The following ANK3 variants were observed in gnomAD, a reference collection of about 807,000 sequenced individuals.
ANK3 encodes the protein ankyrin-3.
ANK3 carries 57 observed loss-of-function variants against 370.9 expected under a neutral mutation model. The observed-to-expected ratio is 0.15, with a 90% CI of 0.12 to 0.19. ANK3 has a LOEUF of 0.19. Ranked by LOEUF, ANK3 falls within the 10% of genes least tolerant of loss-of-function variation. ANK3 has a pLI of 1.00. For missense variants in ANK3, 4,439 were observed against 5,302.1 expected (o/e 0.84, Z 5.06); for synonymous variants, 1,929 against 1,946.3 (o/e 0.99, Z 0.23).
At chr10:60,587,314 C>T (rs1344823373) in intron 2 of ANK3, among the ~76,000 whole-genome samples, 1 of 152,122 alleles carries the variant, frequency 6.6e-6, no homozygotes, top group Non-Finnish European at 1.5e-5. Flanking sequence ...CAAAGTCTAA[C>T]CATATCATTA....
chr10:60,050,399 G>T (rs951380141), intron 42 of ANK3, among the ~76,000 whole-genome samples: 6 of 152,138 alleles, frequency 3.9e-5, no homozygotes, highest in African/African-American at 1.4e-4. Flanking sequence ...AGATTTGGTG[G>T]AGTTTCTTCA....
chr10:60,435,951 G>A (rs749568574), intron 2 of ANK3, among the ~76,000 whole-genome samples: 61 of 152,234 alleles, frequency 4.0e-4, no homozygotes, highest in Non-Finnish European at 1.6e-4. Flanking sequence ...GCCGGGCGCA[G>A]TGGCAGGCGC....
chr10:60,664,318 T>C (rs1357884323), intron 1 of ANK3, among the ~76,000 whole-genome samples: 1 of 152,254 alleles, frequency 6.6e-6, no homozygotes, highest in Non-Finnish European at 1.5e-5. Flanking sequence ...ATAATAGTTA[T>C]CACATTCTGT....
intron 23 of ANK3, among the ~76,000 whole-genome samples, chr10:60,154,441 T>G (rs1035801161): frequency 6.6e-6 from 1 of 152,170 alleles, no homozygotes; most frequent in Non-Finnish European, 1.5e-5. Context: ...AGATCTACCT[T>G]CACATTTCCC....
chr10:60,482,250 C>T (rs574596186), intron 2 of ANK3, among the ~76,000 whole-genome samples: 2 of 152,300 alleles, frequency 1.3e-5, no homozygotes, highest in East Asian at 3.9e-4. Context: ...AGCATCTGCA[C>T]TATCACCTAT....
intron 2 of ANK3, among the ~76,000 whole-genome samples, chr10:60,462,862 T>C (rs974677834): frequency 1.3e-5 from 2 of 151,998 alleles, no homozygotes; most frequent in Admixed American, 6.6e-5. Flanking sequence ...ATATCTCTGT[T>C]CTTTGCTATC....
chr10:60,192,624 G>C (rs2096508563), intron 16 of ANK3, among the ~76,000 whole-genome samples: 2 of 152,128 alleles, frequency 1.3e-5, no homozygotes, highest in African/African-American at 4.8e-5. Flanking sequence ...GTTCTTGCCT[G>C]AAAGCGAGAG....
intron 1 of ANK3, among the ~76,000 whole-genome samples, chr10:60,354,009 C>T (rs777926672): frequency 4.6e-5 from 7 of 152,200 alleles, no homozygotes; most frequent in Non-Finnish European, 1.0e-4. Context: ...TCATGGAGGC[C>T]GTGTTGCCTC....
chr10:60,362,937 G>C (rs1487293054), intron 1 of ANK3, among the ~76,000 whole-genome samples: 1 of 152,148 alleles, frequency 6.6e-6, no homozygotes, highest in Non-Finnish European at 1.5e-5. Flanking sequence ...AGAGTAGATA[G>C]GGTGGGCTAT....
intron 11 of ANK3, among the ~76,000 whole-genome samples, chr10:60,204,558 C>T (rs2096732512): frequency 6.6e-6 from 1 of 152,104 alleles, no homozygotes; most frequent in African/African-American, 2.4e-5. Context: ...ATTCCATTTG[C>T]AGGCAAGAAA....
intron 1 of ANK3, among the ~76,000 whole-genome samples, chr10:60,644,595 C>G (rs2078683044): frequency 6.6e-6 from 1 of 152,014 alleles, no homozygotes; most frequent in South Asian, 2.1e-4. Flanking sequence ...CAACAGGATT[C>G]TTAAAATTGC....
At chr10:60,562,804 G>A (rs2077369860) in intron 2 of ANK3, among the ~76,000 whole-genome samples, 1 of 152,106 alleles carries the variant, frequency 6.6e-6, no homozygotes, top group Non-Finnish European at 1.5e-5. Context: ...AAATTAAAGT[G>A]CATAAAAGTC....
upstream of ANK3, among the ~76,000 whole-genome samples, chr10:60,392,426 G>A (rs2063130679): frequency 6.6e-6 from 1 of 152,206 alleles, no homozygotes; most frequent in Non-Finnish European, 1.5e-5. Context: ...TCATGTGTCT[G>A]AGAAGTGGGG....
intron 2 of ANK3, among the ~76,000 whole-genome samples, chr10:60,588,685 C>T (rs10821799): frequency 0.47 from 71,541 of 151,602 alleles, 17,274 homozygotes; most frequent in Middle Eastern, 0.52. Flanking sequence ...CTGTGGGAGG[C>T]CAAGACAGCC....
Position 60,469,625 on chromosome 10 carries a change from GTATATA to G in ANK3, c.96+145555_96+145560del, listed in dbSNP as rs36050397. On this transcript the variant is annotated intron_variant, in intron 2 of 43. Coordinates refer to the ANK3 transcript ENST00000373827. ...GGTATATATATATATATATATGGTG[GTATATA>G]TATATATATATATATATATATATGG... Among the ~76,000 whole-genome samples the G allele has an allele frequency of 1.7e-3, 3 of 1,774 alleles. 1 individual carries two copies. Among genetic ancestry groups the G allele is most frequent in the African/African-American group, 5.1e-3 (2 of 396 alleles). 1.2% of individuals were successfully genotyped at this position (1,774 alleles called of 152,430 possible).
At chr10:60,340,181 C>T (rs1566705423) in intron 1 of ANK3, among the ~76,000 whole-genome samples, 1 of 152,106 alleles carries the variant, frequency 6.6e-6, no homozygotes, top group African/African-American at 2.4e-5. Context: ...GGCCCAGTAA[C>T]CTGTGCTTTA....
At chr10:60,181,569 G>T in intron 17 of ANK3, 142 bp from the exon 18 acceptor site, 1 of 767,798 alleles carries the variant, frequency 1.3e-6, no homozygotes, top group Non-Finnish European at 2.1e-6. Context: ...AAATTTATAT[G>T]CTTGGGAGGC....
chr10:60,192,965 CT>C (rs200805191), intron 16 of ANK3, among the ~76,000 whole-genome samples: 19,479 of 144,766 alleles, frequency 0.13, 1,721 homozygotes, highest in African/African-American at 0.26. Flanking sequence ...GTAGCTAGGA[CT>C]TTTTTTTTTT....
intron 25 of ANK3, 114 bp from the exon 26 acceptor site, chr10:60,114,445 A>G (rs1196109870): frequency 2.1e-6 from 1 of 468,480 alleles, no homozygotes; most frequent in Admixed American, 4.2e-5. Flanking sequence ...TACATTCAAC[A>G]TAAATAATTT....
Sources: gnomAD v4.1 joint callset for allele counts (sites outside exome capture counted in the v4.1 genomes callset) on GRCh38, gnomAD v4.1.1 for gene constraint, MANE v1.5 for transcripts, NCBI Gene and HGNC (gene_info 2026-07-23, HGNC 2026-07-21) for gene names.